Variants in HOMER2 observed in about 807,000 individuals in gnomAD.
HOMER2 encodes homer scaffold protein 2, also known as homer protein homolog 2.
A neutral mutation model predicts 47.0 loss-of-function variants in HOMER2; 27 were observed. That is an observed-to-expected ratio of 0.57 (90% CI 0.42 to 0.79). The LOEUF is 0.79. Among genes scored for constraint, HOMER2 ranks in the 30% least tolerant of loss-of-function variants. The pLI is 0.00. For synonymous variants in HOMER2, 161 were observed against 163.8 expected (o/e 0.98, Z 0.13); for missense variants, 443 against 435.0 (o/e 1.02, Z -0.16).
chr15:82,899,157 C>T (rs2053032970), intron 1 of HOMER2, among the ~76,000 whole-genome samples: 1 of 152,242 alleles, frequency 6.6e-6, no homozygotes, highest in Non-Finnish European at 1.5e-5. Flanking sequence ...CCTGCCCTCT[C>T]ACCAGAAGGG....
intron 5 of HOMER2, among the ~76,000 whole-genome samples, chr15:82,855,405 C>T (rs1034684596): frequency 1.9e-4 from 28 of 151,018 alleles, no homozygotes; most frequent in African/African-American, 5.8e-4. Context: ...GGCTGCAGGG[C>T]GGGCAAGGCC....
intron 1 of HOMER2, among the ~76,000 whole-genome samples, chr15:82,966,057 T>C (rs2054672303): frequency 6.6e-6 from 1 of 152,118 alleles, no homozygotes; most frequent in Non-Finnish European, 1.5e-5. Context: ...GCCAAGATTG[T>C]GCCATTGCAC....
chr15:82,854,846 G>A (rs371498207), intron 5 of HOMER2, 46 bp from the exon 6 acceptor site: 472 of 1,577,344 alleles, frequency 3.0e-4, no homozygotes, highest in African/African-American at 3.7e-4. Context: ...GTGCTGTCCC[G>A]TCTGGCTCCG....
At chr15:82,852,509 C>G (rs2151602571) in intron 6 of HOMER2, 2 of 386,518 alleles carry the variant, frequency 5.2e-6, no homozygotes, top group Non-Finnish European at 9.2e-6. Context: ...AGTAATAAAG[C>G]CTGCCTTCAA....
intron 1 of HOMER2, among the ~76,000 whole-genome samples, chr15:82,917,498 A>G (rs559524717): frequency 6.6e-6 from 1 of 152,308 alleles, no homozygotes; most frequent in Admixed American, 6.5e-5. Flanking sequence ...CTTCGCACCC[A>G]AGGACATGGC....
chr15:82,851,800 AAAT>A (rs1427826716), intron 7 of HOMER2, among the ~76,000 whole-genome samples: 3 of 152,356 alleles, frequency 2.0e-5, no homozygotes, highest in Admixed American at 1.3e-4. Context: ...TTAAAAAAGA[AAAT>A]AAGTGGTTAC....
At chr15:82,876,039 G>A (rs2052339140) in intron 2 of HOMER2, among the ~76,000 whole-genome samples, 1 of 152,196 alleles carries the variant, frequency 6.6e-6, no homozygotes, top group Non-Finnish European at 1.5e-5. Context: ...GGGATGGAGA[G>A]GCTACAGACC....
At chr15:82,899,705 CACAA>C (rs986665451) in intron 1 of HOMER2, among the ~76,000 whole-genome samples, 9 of 152,138 alleles carry the variant, frequency 5.9e-5, no homozygotes, top group African/African-American at 2.2e-4. Context: ...TTCCTAAATA[CACAA>C]ACAACCAGAT....
At chr15:82,903,541 C>T (rs1397200936) in intron 1 of HOMER2, among the ~76,000 whole-genome samples, 1 of 152,076 alleles carries the variant, frequency 6.6e-6, no homozygotes, top group Non-Finnish European at 1.5e-5. Context: ...CGCTTGAACT[C>T]GGGAGACAGA....
intron 1 of HOMER2, among the ~76,000 whole-genome samples, chr15:82,918,395 G>A (rs2053643498): frequency 6.6e-6 from 1 of 152,102 alleles, no homozygotes; most frequent in Non-Finnish European, 1.5e-5. Context: ...ATCATGTTGG[G>A]ACAGTGCCCA....
chr15:82,853,164 C>T (rs1010760255), intron 6 of HOMER2, among the ~76,000 whole-genome samples: 4 of 152,200 alleles, frequency 2.6e-5, no homozygotes, highest in African/African-American at 7.2e-5. Context: ...CACCAACTTC[C>T]GCCTCCAACC....
At chr15:82,915,575 T>C (rs1003406820) in intron 1 of HOMER2, among the ~76,000 whole-genome samples, 1 of 152,036 alleles carries the variant, frequency 6.6e-6, no homozygotes, top group African/African-American at 2.4e-5. Flanking sequence ...TTGCCGGGCA[T>C]GGTGGCACGT....
At chr15:82,872,347 C>T (rs1409696107) in intron 3 of HOMER2, among the ~76,000 whole-genome samples, 1 of 152,122 alleles carries the variant, frequency 6.6e-6, no homozygotes, top group African/African-American at 2.4e-5. Flanking sequence ...CCCTCATCAC[C>T]CCAGAATCTC....
At chr15:82,984,770 C>A (rs2030532165) in intron 1 of HOMER2, among the ~76,000 whole-genome samples, 2 of 152,096 alleles carry the variant, frequency 1.3e-5, no homozygotes, top group African/African-American at 4.8e-5. Context: ...ATGCCATGAC[C>A]ACGTCACTGC....
chr15:82,986,091 C>T (rs920611433), upstream of HOMER2: 69 of 985,412 alleles, frequency 7.0e-5, no homozygotes, highest in Non-Finnish European at 8.1e-5. Flanking sequence ...TCATCGAGCT[C>T]TGGGCGTTGT....
intron 3 of HOMER2, among the ~76,000 whole-genome samples, chr15:82,871,357 G>C (rs887371475): frequency 6.6e-6 from 1 of 152,182 alleles, no homozygotes; most frequent in Non-Finnish European, 1.5e-5. Context: ...CCTAGTTATA[G>C]TGCTTGATTA....
At chr15:82,902,568 T>G (rs774215375) in intron 1 of HOMER2, among the ~76,000 whole-genome samples, 1 of 152,158 alleles carries the variant, frequency 6.6e-6, no homozygotes, top group African/African-American at 2.4e-5. Flanking sequence ...TCTGAGACAG[T>G]TGAATTCAAG....
intron 1 of HOMER2, among the ~76,000 whole-genome samples, chr15:82,961,643 A>G (rs957151270): frequency 6.6e-6 from 1 of 152,218 alleles, no homozygotes; most frequent in African/African-American, 2.4e-5. Flanking sequence ...CAAAATATAC[A>G]TAACAATAAA....
At chr15:82,923,452 A>C (rs1596357739) in intron 1 of HOMER2, among the ~76,000 whole-genome samples, 1 of 147,180 alleles carries the variant, frequency 6.8e-6, no homozygotes, top group African/African-American at 2.5e-5. Flanking sequence ...ACGCCATTGC[A>C]CTCCAGCTTG....
Sources: allele counts gnomAD v4.1 joint callset (sites outside exome capture counted in the v4.1 genomes callset), GRCh38; gene constraint gnomAD v4.1.1; transcripts MANE v1.5; gene names NCBI Gene and HGNC (gene_info 2026-07-23, HGNC 2026-07-21).